Variants in LRP1B observed in about 807,000 individuals in gnomAD.
LRP1B encodes the protein LDL receptor related protein 1B, also known as low-density lipoprotein receptor-related protein 1B.
A neutral mutation model predicts 556.6 loss-of-function variants in LRP1B; 217 were observed. The ratio of observed to expected loss-of-function variants is 0.39; its 90% confidence interval spans 0.35 to 0.44. LRP1B has a LOEUF of 0.44. Ranked by LOEUF, LRP1B falls within the 20% of genes least tolerant of loss-of-function variation. The probability of loss-of-function intolerance (pLI) is 1.00; values close to 1 mark genes in which losing one functional copy is unlikely to be tolerated. For missense variants in LRP1B, 5,053 were observed against 5,620.8 expected (o/e 0.90, Z 3.23); for synonymous variants, 2,047 against 1,865.8 (o/e 1.10, Z -2.50).
chr2:140,790,390 T>C (rs1200231992), intron 32 of LRP1B, among the ~76,000 whole-genome samples: 1 of 152,176 alleles, frequency 6.6e-6, no homozygotes, highest in Non-Finnish European at 1.5e-5. Flanking sequence ...GCTGACCACT[T>C]AGAATTATTA....
At chr2:141,107,972 T>A (rs1700649930) in intron 7 of LRP1B, among the ~76,000 whole-genome samples, 1 of 152,172 alleles carries the variant, frequency 6.6e-6, no homozygotes, top group Non-Finnish European at 1.5e-5. Flanking sequence ...TACCAAGTAC[T>A]CATTATATCA....
chr2:141,325,334 C>A (rs1234069087), intron 3 of LRP1B, among the ~76,000 whole-genome samples: 1 of 151,934 alleles, frequency 6.6e-6, no homozygotes, highest in African/African-American at 2.4e-5. Context: ...TGCAGAAAAT[C>A]AAATTATTTT....
intron 1 of LRP1B, among the ~76,000 whole-genome samples, chr2:141,905,801 G>GTGTGTGTT (rs1699740980): frequency 6.8e-6 from 1 of 146,998 alleles, no homozygotes; most frequent in South Asian, 2.2e-4. Context: ...GTGTGTGTGT[G>GTGTGTGTT]TGTGGCTAGG....
chr2:141,719,513 T>C (rs1162485835), intron 2 of LRP1B, among the ~76,000 whole-genome samples: 1 of 152,148 alleles, frequency 6.6e-6, no homozygotes, highest in African/African-American at 2.4e-5. Flanking sequence ...TAATGAGAAC[T>C]ATAACAATAT....
intron 2 of LRP1B, among the ~76,000 whole-genome samples, chr2:141,696,810 G>A (rs1244264911): frequency 6.6e-6 from 1 of 151,926 alleles, no homozygotes; most frequent in Non-Finnish European, 1.5e-5. Flanking sequence ...GAGGGGATAT[G>A]AGTGACTGTT....
chr2:141,333,077 A>G (rs1311942697), intron 3 of LRP1B, among the ~76,000 whole-genome samples: 1 of 152,048 alleles, frequency 6.6e-6, no homozygotes, highest in Non-Finnish European at 1.5e-5. Flanking sequence ...TTTTATTTCT[A>G]TTTCAGGTTT....
At chr2:140,316,961 A>T (rs564063766) in intron 82 of LRP1B, among the ~76,000 whole-genome samples, 2 of 152,118 alleles carry the variant, frequency 1.3e-5, no homozygotes, top group African/African-American at 4.8e-5. Flanking sequence ...AGCAAGTAGC[A>T]TTCTTATTCA....
At chr2:141,481,896 T>TA (rs1369139978) in intron 2 of LRP1B, among the ~76,000 whole-genome samples, 2 of 152,160 alleles carry the variant, frequency 1.3e-5, no homozygotes, top group Non-Finnish European at 2.9e-5. Context: ...CATAGTTAAG[T>TA]AAAAAATGTT....
chr2:140,709,220 G>T (rs1036478845), intron 37 of LRP1B, among the ~76,000 whole-genome samples: 1 of 151,958 alleles, frequency 6.6e-6, no homozygotes, highest in Non-Finnish European at 1.5e-5. Context: ...GTGCTTAAAA[G>T]GAAATAAAAT....
intron 1 of LRP1B, among the ~76,000 whole-genome samples, chr2:142,039,064 T>C (rs1410058205): frequency 6.6e-6 from 1 of 151,488 alleles, no homozygotes; most frequent in African/African-American, 2.4e-5. Context: ...CCTGAAGACT[T>C]CCATGCACCA....
At chr2:141,957,572 T>G (rs1319032729) in intron 1 of LRP1B, among the ~76,000 whole-genome samples, 6 of 152,078 alleles carry the variant, frequency 3.9e-5, no homozygotes, top group African/African-American at 1.4e-4. Flanking sequence ...TCCTCTCACT[T>G]GACAGACACA....
chr2:140,493,269 A>G (rs1193776936), intron 56 of LRP1B, among the ~76,000 whole-genome samples: 2 of 152,058 alleles, frequency 1.3e-5, no homozygotes, highest in Non-Finnish European at 2.9e-5. Context: ...ATGCTTTAAT[A>G]GTCTTTATTT....
At chr2:141,528,467 A>G (rs145396070) in intron 2 of LRP1B, among the ~76,000 whole-genome samples, 1,762 of 152,192 alleles carry the variant, frequency 0.012, 38 homozygotes, top group African/African-American at 0.039. Flanking sequence ...AAGAAAGCCA[A>G]AGTTTGTCTA....
chr2:140,708,661 T>C (rs374774500), intron 37 of LRP1B, among the ~76,000 whole-genome samples: 50 of 151,982 alleles, frequency 3.3e-4, no homozygotes, highest in African/African-American at 1.1e-3. Flanking sequence ...TGTACATATA[T>C]ATAATATTAG....
At chr2:140,654,207 T>C (rs1684791961) in intron 41 of LRP1B, among the ~76,000 whole-genome samples, 1 of 152,088 alleles carries the variant, frequency 6.6e-6, no homozygotes, top group Non-Finnish European at 1.5e-5. Context: ...TTTAATTTTC[T>C]TTACCATGCT....
At chr2:140,812,696 T>C (rs1347541793) in intron 32 of LRP1B, among the ~76,000 whole-genome samples, 2 of 151,948 alleles carry the variant, frequency 1.3e-5, no homozygotes, top group Non-Finnish European at 2.9e-5. Context: ...TTTACCTATA[T>C]AAATAAAGGT....
intron 2 of LRP1B, among the ~76,000 whole-genome samples, chr2:141,612,844 C>T (rs1384650477): frequency 1.3e-5 from 2 of 152,124 alleles, no homozygotes; most frequent in African/African-American, 2.4e-5. Context: ...GCTCTGTCAC[C>T]CAGGCTGGAG....
chr2:140,443,142 C>T (rs1446934517), intron 65 of LRP1B, among the ~76,000 whole-genome samples: 1 of 152,118 alleles, frequency 6.6e-6, no homozygotes, highest in African/African-American at 2.4e-5. Context: ...CTCACTGCAA[C>T]CTCCACCTCC....
chr2:141,207,770 G>A (rs567996030), intron 6 of LRP1B, among the ~76,000 whole-genome samples: 23 of 152,248 alleles, frequency 1.5e-4, no homozygotes, highest in South Asian at 1.5e-3. Flanking sequence ...CTGCCTCCCC[G>A]GTTCAAGCAA....
Sources: allele counts gnomAD v4.1 joint callset (sites outside exome capture counted in the v4.1 genomes callset), GRCh38; gene constraint gnomAD v4.1.1; transcripts MANE v1.5; gene names NCBI Gene and HGNC (gene_info 2026-07-23, HGNC 2026-07-21).